The following TRIM24 variants were observed in gnomAD, a reference collection of about 807,000 sequenced individuals.
TRIM24 encodes the protein transcription intermediary factor 1-alpha.
TRIM24 carries 29 observed loss-of-function variants against 123.9 expected under a neutral mutation model. The ratio of observed to expected loss-of-function variants is 0.23; its 90% CI spans 0.17 to 0.32. The LOEUF is 0.32. Among genes scored for constraint, TRIM24 ranks in the 10% least tolerant of loss-of-function variants. TRIM24 has a pLI of 1.00. For missense variants in TRIM24, 932 were observed against 1,295.3 expected (o/e 0.72, Z 4.31); for synonymous variants, 456 against 461.1 (o/e 0.99, Z 0.14).
chr7:138,490,089 A>G (rs1036042263), intron 1 of TRIM24, among the ~76,000 whole-genome samples: 1 of 151,892 alleles, frequency 6.6e-6, no homozygotes, highest in Non-Finnish European at 1.5e-5. Flanking sequence ...TTCTCGCTTC[A>G]TTTCATTCAT....
chr7:138,504,035 T>G (rs567248195), intron 1 of TRIM24, among the ~76,000 whole-genome samples: 1 of 152,328 alleles, frequency 6.6e-6, no homozygotes, highest in East Asian at 1.9e-4. Context: ...AGTAAAAGCA[T>G]TTAGCCCATG....
intron 1 of TRIM24, among the ~76,000 whole-genome samples, chr7:138,467,570 TG>T (rs1795172501): frequency 1.3e-5 from 2 of 152,146 alleles, no homozygotes; most frequent in South Asian, 4.1e-4. Flanking sequence ...CTCGATCTCT[TG>T]ACCTGGTGAT....
At chr7:138,522,640 A>G (rs1796527190) in intron 4 of TRIM24, among the ~76,000 whole-genome samples, 1 of 152,172 alleles carries the variant, frequency 6.6e-6, no homozygotes, top group Non-Finnish European at 1.5e-5. Context: ...AAAGTACTGT[A>G]AACAAAGTCA....
At chr7:138,563,843 G>C (rs910945117) in intron 9 of TRIM24, among the ~76,000 whole-genome samples, 1 of 152,150 alleles carries the variant, frequency 6.6e-6, no homozygotes, top group Non-Finnish European at 1.5e-5. Context: ...TTGCAAGAGT[G>C]CTTCTCGGTA....
At chr7:138,494,141 C>T (rs545592154) in intron 1 of TRIM24, among the ~76,000 whole-genome samples, 1 of 151,912 alleles carries the variant, frequency 6.6e-6, no homozygotes, top group Non-Finnish European at 1.5e-5. Flanking sequence ...GCCACCATGC[C>T]CAGCTAATTT....
rs139931958 is a variant in TRIM24 at position 138,559,274 on chromosome 7, G to A, written c.1530+4308G>A. Among the ~76,000 whole-genome samples, 25 of 152,200 alleles carry A rather than the reference G, an allele frequency of 1.6e-4. No individual in the cohort carries two copies. The East Asian group carries it at 3.9e-3, about 24-fold the overall frequency. ...GTCCTAGTTATGGTGCTCCCCGACC[G>A]CGTAGTATGTATGCAGTGGGGGCAC... On this transcript the variant is annotated intron_variant, in intron 9 of 18. Transcript: ENST00000343526.
chr7:138,493,594 C>A (rs1480464234), intron 1 of TRIM24, among the ~76,000 whole-genome samples: 1 of 152,136 alleles, frequency 6.6e-6, no homozygotes, highest in Non-Finnish European at 1.5e-5. Flanking sequence ...TGATAGATGT[C>A]ACCAGAGAAG....
rs551913099 is a variant in TRIM24, at chr7:138,579,602, T to C, written c.2585+70T>C. ...TGAAGATTATTTTAACAGAAAGCCT[T>C]TGAAAAAACTTAAATGAAATTCCAC... On this transcript the variant is annotated intron_variant, in intron 15 of 18. Transcript: ENST00000343526. The C allele has an allele frequency of 4.5e-6, 6 of 1,339,888 alleles. No individual in the cohort carries two copies. The East Asian group carries it at 1.4e-4, about 31-fold the overall frequency. The allele number at this position is 1,339,888 out of a possible 1,614,324, so 83.0% of individuals were successfully genotyped here.
chr7:138,521,004 A>G (rs762463378), intron 4 of TRIM24, among the ~76,000 whole-genome samples: 1 of 152,256 alleles, frequency 6.6e-6, no homozygotes, highest in Non-Finnish European at 1.5e-5. Flanking sequence ...AAGAAGTTGC[A>G]CAAACCTCTA....
At chr7:138,468,550 A>G (rs1331260852) in intron 1 of TRIM24, among the ~76,000 whole-genome samples, 1 of 151,902 alleles carries the variant, frequency 6.6e-6, no homozygotes, top group Non-Finnish European at 1.5e-5. Flanking sequence ...GATAGCGTAT[A>G]GTTGTCTTAC....
chr7:138,544,842 GC>G (rs1401719155), intron 7 of TRIM24, among the ~76,000 whole-genome samples: 1 of 152,086 alleles, frequency 6.6e-6, no homozygotes, highest in African/African-American at 2.4e-5. Context: ...CAAACTCTTT[GC>G]CCATTTCTTA....
intron 4 of TRIM24, among the ~76,000 whole-genome samples, chr7:138,522,277 A>G (rs568836510): frequency 6.6e-6 from 1 of 152,090 alleles, no homozygotes; most frequent in South Asian, 2.1e-4. Context: ...TGGAGGTTGC[A>G]GTGAGCTGAG....
chr7:138,555,458 C>T (rs546603881), intron 9 of TRIM24, among the ~76,000 whole-genome samples: 12 of 151,424 alleles, frequency 7.9e-5, no homozygotes, highest in East Asian at 5.8e-4. Context: ...TACTGTCTAC[C>T]GTTCTTATTT....
At chr7:138,570,756 T>C in intron 10 of TRIM24, 74 bp from the exon 11 acceptor site, 1 of 1,491,078 alleles carries the variant, frequency 6.7e-7, no homozygotes, top group Non-Finnish European at 9.2e-7. Flanking sequence ...CTTCATTTTG[T>C]GTGAGTGATT....
intron 2 of TRIM24, among the ~76,000 whole-genome samples, chr7:138,511,969 G>A (rs190356180): frequency 2.6e-5 from 4 of 152,290 alleles, no homozygotes; most frequent in African/African-American, 7.2e-5. Flanking sequence ...AAGATACAAT[G>A]TAGGTACAGG....
chr7:138,462,912 C>T (rs1433207506), intron 1 of TRIM24, among the ~76,000 whole-genome samples: 1 of 151,524 alleles, frequency 6.6e-6, no homozygotes, highest in Admixed American at 6.6e-5. Flanking sequence ...TCTTCTTGCC[C>T]AGGCTGGAGT....
At chr7:138,566,386 C>T (rs1797536541) in intron 9 of TRIM24, among the ~76,000 whole-genome samples, 1 of 152,042 alleles carries the variant, frequency 6.6e-6, no homozygotes, top group East Asian at 1.9e-4. Flanking sequence ...TGTGGTGGGG[C>T]ATTCCTGTAA....
intron 2 of TRIM24, among the ~76,000 whole-genome samples, chr7:138,507,697 T>G (rs1190242563): frequency 1.3e-5 from 2 of 152,130 alleles, no homozygotes; most frequent in Non-Finnish European, 1.5e-5. Flanking sequence ...TGAATTTCTA[T>G]GTAAAAATAA....
At chr7:138,580,243 G>A (rs1408134939) in intron 15 of TRIM24, among the ~76,000 whole-genome samples, 2 of 151,972 alleles carry the variant, frequency 1.3e-5, no homozygotes, top group Non-Finnish European at 2.9e-5. Context: ...TGAATCCTTT[G>A]GAGGAAAAAA....
Sources: gnomAD v4.1 joint callset for allele counts (sites outside exome capture counted in the v4.1 genomes callset) on GRCh38, gnomAD v4.1.1 for gene constraint, MANE v1.5 for transcripts, NCBI Gene and HGNC (gene_info 2026-07-23, HGNC 2026-07-21) for gene names.